Variants in MARCHF7 observed in about 807,000 individuals in gnomAD.
MARCHF7 encodes membrane associated ring-CH-type finger 7.
Under a neutral mutation model 76.5 loss-of-function variants are expected in MARCHF7, and 20 were observed. The observed-to-expected ratio is 0.26, with a 90% CI of 0.18 to 0.38. The LOEUF (loss-of-function observed/expected upper bound fraction) is 0.38, where lower values mean the gene tolerates loss of function less well. MARCHF7 is among the 10% of genes least tolerant of loss of function. The probability of loss-of-function intolerance (pLI) is 1.00; values close to 1 mark genes in which losing one functional copy is unlikely to be tolerated. For missense variants in MARCHF7, 797 were observed against 812.9 expected (o/e 0.98, Z 0.24); for synonymous variants, 295 against 293.0 (o/e 1.01, Z -0.07).
At chr2:159,761,077 G>A (rs1051802026) in intron 9 of MARCHF7, among the ~76,000 whole-genome samples, 6 of 149,972 alleles carry the variant, frequency 4.0e-5, no homozygotes, top group African/African-American at 1.5e-4. Context: ...CCAGGCTGGA[G>A]TGCAGTGGTG....
In MARCHF7 at chr2:159,768,994, G is replaced by T. The variant is rs1708044588; in HGVS notation, c.*1652G>T. On this transcript the variant is annotated 3_prime_UTR_variant, in exon 12 of 12. Transcript: ENST00000409175. ...ATGGCTTAAGCTTTACAGTATTCTTGTAGTTCCCTAGTACCACTTAGTATT... is the reference window on the plus strand; with the variant it reads ...ATGGCTTAAGCTTTACAGTATTCTTTTAGTTCCCTAGTACCACTTAGTATT... The T allele has an allele frequency of 6.6e-6, 1 of 152,102 alleles. No individual in the cohort carries two copies. Among genetic ancestry groups the T allele is most frequent in the Non-Finnish European group, 1.5e-5 (1 of 67,992 alleles). The allele number at this position is 152,102 out of a possible 1,614,324, so 9.4% of individuals were successfully genotyped here. A position where few individuals can be genotyped will look rare whatever the true frequency, so the allele number is the denominator to read the frequency against.
At chr2:159,765,027 C>T (rs1239980209) in intron 11 of MARCHF7, among the ~76,000 whole-genome samples, 5 of 151,570 alleles carry the variant, frequency 3.3e-5, no homozygotes, top group African/African-American at 1.2e-4. Flanking sequence ...TGTTTTGTTT[C>T]GTTTCTGGTA....
intron 3 of MARCHF7, among the ~76,000 whole-genome samples, chr2:159,728,799 G>A (rs1702453466): frequency 6.6e-6 from 1 of 152,130 alleles, no homozygotes; most frequent in African/African-American, 2.4e-5. Context: ...CTTTTACCAT[G>A]TTTGTTTGCT....
chr2:159,764,840 G>GT (rs1478363623), intron 11 of MARCHF7, among the ~76,000 whole-genome samples, 166 bp downstream of exon 11: 2 of 78,988 alleles, frequency 2.5e-5, no homozygotes, highest in Non-Finnish European at 3.5e-5. Flanking sequence ...ACTGACATTA[G>GT]TTGTTTTTTT....
intron 8 of MARCHF7, among the ~76,000 whole-genome samples, chr2:159,753,107 C>T (rs1256872288): frequency 1.3e-5 from 2 of 152,066 alleles, no homozygotes; most frequent in Non-Finnish European, 1.5e-5. Flanking sequence ...GAGGTGAGAA[C>T]ATGTAAATTG....
intron 3 of MARCHF7, among the ~76,000 whole-genome samples, chr2:159,725,973 G>C (rs1393061056): frequency 6.6e-6 from 1 of 152,160 alleles, no homozygotes; most frequent in Non-Finnish European, 1.5e-5. Flanking sequence ...CAGCATTGTA[G>C]AAACATGACC....
chr2:159,745,070 G>A (rs559798087), intron 5 of MARCHF7, among the ~76,000 whole-genome samples: 1 of 152,128 alleles, frequency 6.6e-6, no homozygotes, highest in Non-Finnish European at 1.5e-5. Flanking sequence ...CTTTGATTTT[G>A]ATACTGGCAG....
At chr2:159,766,880 C>G (rs1411715337) in intron 11 of MARCHF7, among the ~76,000 whole-genome samples, 2 of 152,104 alleles carry the variant, frequency 1.3e-5, no homozygotes. Flanking sequence ...ATCGGATGCA[C>G]CAAACATGCA....
intron 8 of MARCHF7, 113 bp from the exon 9 acceptor site, chr2:159,759,113 T>G: frequency 1.6e-6 from 1 of 633,804 alleles, no homozygotes. Flanking sequence ...TATTTCCTTT[T>G]CTTCTTCTTT....
At chr2:159,741,762 C>G (rs923542989) in intron 4 of MARCHF7, among the ~76,000 whole-genome samples, 3 of 152,132 alleles carry the variant, frequency 2.0e-5, no homozygotes, top group African/African-American at 7.2e-5. Flanking sequence ...AAACTATTTA[C>G]CACATACTTA....
rs34620033 is a variant in MARCHF7 at position 159,769,643 on chromosome 2, C to CATATATATATATATAT, written c.*2316_*2317insTATATATATATATATA. On this transcript the variant is annotated 3_prime_UTR_variant, in exon 12 of 12. Coordinates refer to ENST00000409175, the MANE Select transcript of MARCHF7 (RefSeq NM_001282805.2). The stretch of plus-strand genomic sequence containing the variant: ...CCTGGGCAGCACAGTGAGACTCCAT[C>CATATATATATATATAT]ATATATATATATATAGCACTTCATT... 9 of 151,002 alleles carry CATATATATATATATAT rather than the reference C, an allele frequency of 6.0e-5. No homozygotes were observed. The highest frequency in any genetic ancestry group is 2.2e-4 in the African/African-American group (9 of 41,290). 9.4% of individuals were successfully genotyped at this position (151,002 alleles called of 1,614,324 possible).
chr2:159,767,269 G>T lies in MARCHF7; in HGVS notation c.2057-15G>T. On this transcript the variant is annotated splice_polypyrimidine_tract_variant and intron_variant, in intron 11 of 11. Coordinates refer to ENST00000409175, the MANE Select transcript of MARCHF7 (RefSeq NM_001282805.2). Reference sequence around the variant, plus strand: ...CCTTAAAATCATTCTTGATCATCCTGTTTTCTTTCAACAGCTTCAGAGGAT... The same window carrying T: ...CCTTAAAATCATTCTTGATCATCCTTTTTTCTTTCAACAGCTTCAGAGGAT... The T allele has an allele frequency of 1.3e-6, 2 of 1,599,496 alleles. No individual in the cohort carries two copies. The highest frequency in any genetic ancestry group is 1.7e-6 in the Non-Finnish European group (2 of 1,168,334).
At chr2:159,740,252 C>T (rs528398778) in intron 4 of MARCHF7, among the ~76,000 whole-genome samples, 1 of 152,126 alleles carries the variant, frequency 6.6e-6, no homozygotes, top group Admixed American at 6.5e-5. Flanking sequence ...TTTATCCCCC[C>T]CTTCATTAGT....
At chr2:159,724,523 T>C (rs1186882868) in intron 3 of MARCHF7, among the ~76,000 whole-genome samples, 1 of 152,222 alleles carries the variant, frequency 6.6e-6, no homozygotes. Context: ...TTGCTATTTC[T>C]TTTGGTTCTG....
At chr2:159,727,067 A>G (rs1702256661) in intron 3 of MARCHF7, among the ~76,000 whole-genome samples, 1 of 152,236 alleles carries the variant, frequency 6.6e-6, no homozygotes, top group East Asian at 1.9e-4. Context: ...CGCATTTCTT[A>G]GAATATATTC....
intron 3 of MARCHF7, among the ~76,000 whole-genome samples, chr2:159,724,178 T>G (rs1384177161): frequency 1.3e-5 from 2 of 152,260 alleles, no homozygotes; most frequent in African/African-American, 4.8e-5. Flanking sequence ...AGGCTAAACA[T>G]TTTTCTCAGT....
chr2:159,719,695 A>C (rs1443673543), intron 3 of MARCHF7, among the ~76,000 whole-genome samples: 2 of 151,964 alleles, frequency 1.3e-5, no homozygotes, highest in Non-Finnish European at 2.9e-5. Context: ...GTTTGTTGAC[A>C]TTGGGGCTAT....
intron 9 of MARCHF7, among the ~76,000 whole-genome samples, chr2:159,760,713 T>C (rs1372007930): frequency 6.7e-6 from 1 of 150,134 alleles, no homozygotes; most frequent in East Asian, 1.9e-4. Context: ...TTTTCCTTTT[T>C]TGTTTTTGTT....
rs767627704 is a variant in MARCHF7, at chr2:159,748,732, G to T, written c.1442G>T (p.Gly481Val). The change falls in exon 7 of 12, where the codon GGT becomes GTT. Residue 481 changes from glycine to valine, a missense_variant. Transcript: ENST00000409175. ...RNTGISGILP[G>V]SLFRFAVPPA... Reference sequence around the variant, plus strand: ...ACAGGAATATCAGGGATTCTTCCTGGTTCCTTATTCCGGTTTGCAGTCCCT... The same window carrying T: ...ACAGGAATATCAGGGATTCTTCCTGTTTCCTTATTCCGGTTTGCAGTCCCT... 2 of 1,614,134 alleles carry T rather than the reference G, an allele frequency of 1.2e-6. No individual in the cohort carries two copies. The highest frequency in any genetic ancestry group is 8.5e-7 in the Non-Finnish European group (1 of 1,180,022).
Sources: gnomAD v4.1 joint callset for allele counts (sites outside exome capture counted in the v4.1 genomes callset) on GRCh38, gnomAD v4.1.1 for gene constraint, MANE v1.5 for transcripts, NCBI Gene and HGNC (gene_info 2026-07-23, HGNC 2026-07-21) for gene names.